The following ZNF385D variants were observed in gnomAD, a reference collection of about 807,000 sequenced individuals.
ZNF385D encodes the protein zinc finger protein 659.
ZNF385D carries 15 observed loss-of-function variants against 35.8 expected under a neutral mutation model. The observed-to-expected ratio is 0.42, with a 90% confidence interval of 0.28 to 0.64. The LOEUF (loss-of-function observed/expected upper bound fraction) is 0.64. Among genes scored for constraint, ZNF385D ranks in the 30% least tolerant of loss-of-function variants. The pLI, the probability that ZNF385D is intolerant of heterozygous loss-of-function variation, is 0.23. For missense variants in ZNF385D, 474 were observed against 494.6 expected, an observed-to-expected ratio of 0.96 and a Z score of 0.39; for synonymous variants, 212 against 186.8, an observed-to-expected ratio of 1.13 and a Z score of -1.10.
At chr3:22,035,030 G>C (rs771526763) in intron 3 of ZNF385D, among the ~76,000 whole-genome samples, 2 of 152,066 alleles carry the variant, frequency 1.3e-5, no homozygotes, top group Non-Finnish European at 2.9e-5. Context: ...TGTACATAAA[G>C]TCAACATTGT....
At chr3:22,035,294 G>A (rs1003637039) in intron 3 of ZNF385D, among the ~76,000 whole-genome samples, 2 of 152,150 alleles carry the variant, frequency 1.3e-5, no homozygotes, top group African/African-American at 4.8e-5. Flanking sequence ...TAAATTATGA[G>A]AAACAGGGCT....
intron 2 of ZNF385D, among the ~76,000 whole-genome samples, chr3:22,310,587 T>C (rs1380612963): frequency 2.0e-5 from 3 of 151,932 alleles, no homozygotes; most frequent in Non-Finnish European, 4.4e-5. Flanking sequence ...TTAACTCAAA[T>C]AAAATGACAT....
At chr3:22,333,099 C>G (rs1231773846) in intron 2 of ZNF385D, among the ~76,000 whole-genome samples, 1 of 152,066 alleles carries the variant, frequency 6.6e-6, no homozygotes, top group Non-Finnish European at 1.5e-5. Flanking sequence ...GCTTGGCAGT[C>G]CTTTTCTTTA....
intron 4 of ZNF385D, among the ~76,000 whole-genome samples, chr3:21,470,900 T>C (rs1703839639): frequency 6.6e-6 from 1 of 152,152 alleles, no homozygotes; most frequent in South Asian, 2.1e-4. Flanking sequence ...GGTTTGCTAC[T>C]GCATTTCAAC....
chr3:22,328,581 G>A (rs1400057334), intron 2 of ZNF385D, among the ~76,000 whole-genome samples: 2 of 151,682 alleles, frequency 1.3e-5, no homozygotes, highest in Non-Finnish European at 2.9e-5. Flanking sequence ...TGGCCAACAC[G>A]GTGAAACCTC....
chr3:22,108,317 A>C (rs1370045939), intron 3 of ZNF385D, among the ~76,000 whole-genome samples: 1 of 152,116 alleles, frequency 6.6e-6, no homozygotes, highest in African/African-American at 2.4e-5. Flanking sequence ...ATTTTCTTGG[A>C]AGATGTGTTT....
intron 2 of ZNF385D, among the ~76,000 whole-genome samples, chr3:22,302,777 T>TGGAA (rs1190753175): frequency 1.3e-5 from 2 of 152,124 alleles, no homozygotes; most frequent in Non-Finnish European, 2.9e-5. Context: ...TTAATGTTAC[T>TGGAA]TTGAAAGGCC....
At chr3:22,154,416 A>T (rs1279384445) in intron 3 of ZNF385D, among the ~76,000 whole-genome samples, 1 of 152,064 alleles carries the variant, frequency 6.6e-6, no homozygotes, top group Admixed American at 6.6e-5. Context: ...ACATTTCTCA[A>T]CTCAGCTACA....
chr3:21,917,780 T>C (rs1353593047), intron 3 of ZNF385D, among the ~76,000 whole-genome samples: 1 of 152,224 alleles, frequency 6.6e-6, no homozygotes, highest in Non-Finnish European at 1.5e-5. Context: ...CCTCAGTGGC[T>C]AAGTGGAGTC....
Position 21,628,983 on chromosome 3 carries a change from G to T in ZNF385D, c.165+35903C>A, listed in dbSNP as rs373936231. On this transcript the variant is annotated intron_variant, in intron 2 of 7. Transcript: ENST00000281523. ...CCTGGGAAATGACTATTAAGGGCAA[G>T]ACCAACAATTTTTTACAAAAGAAAA... Among the ~76,000 whole-genome samples, 6 of 151,938 alleles carry T rather than the reference G, an allele frequency of 3.9e-5. No homozygotes were observed. In the South Asian group the frequency reaches 1.0e-3, roughly 26 times the overall value.
chr3:21,749,143 A>G (rs17009454), intron 1 of ZNF385D, among the ~76,000 whole-genome samples: 4,947 of 152,330 alleles, frequency 0.032, 125 homozygotes, highest in Non-Finnish European at 0.049. Flanking sequence ...AGTTTCATCT[A>G]AAGTAAGTAG....
At chr3:21,591,191 A>G (rs958425166) in intron 2 of ZNF385D, among the ~76,000 whole-genome samples, 12 of 152,276 alleles carry the variant, frequency 7.9e-5, no homozygotes, top group African/African-American at 2.9e-4. Context: ...CCACATCTCA[A>G]AACAAAACAA....
intron 3 of ZNF385D, among the ~76,000 whole-genome samples, chr3:21,922,885 C>G (rs992072123): frequency 6.6e-6 from 1 of 152,164 alleles, no homozygotes; most frequent in Non-Finnish European, 1.5e-5. Context: ...AGCTACACAT[C>G]TGACCAAGGT....
At chr3:21,772,183 T>A (rs571808625) in intron 3 of ZNF385D, among the ~76,000 whole-genome samples, 1 of 151,930 alleles carries the variant, frequency 6.6e-6, no homozygotes, top group African/African-American at 2.4e-5. Context: ...ATTTCTTGGA[T>A]ATCACAGAAA....
chr3:21,958,643 A>T (rs1702413919), intron 3 of ZNF385D, among the ~76,000 whole-genome samples: 2 of 152,178 alleles, frequency 1.3e-5, no homozygotes, highest in African/African-American at 4.8e-5. Flanking sequence ...GGGTAGAACT[A>T]GATTCTATCG....
chr3:22,023,530 T>C (rs1471895861), intron 3 of ZNF385D, among the ~76,000 whole-genome samples: 1 of 152,184 alleles, frequency 6.6e-6, no homozygotes, highest in Non-Finnish European at 1.5e-5. Context: ...ATGGAGTCAT[T>C]GTTACAATGC....
intron 4 of ZNF385D, chr3:21,443,262 G>C: frequency 2.0e-6 from 2 of 985,308 alleles, no homozygotes; most frequent in Non-Finnish European, 2.4e-6. Context: ...TCACTACCAG[G>C]CTCAAGGATG....
chr3:21,908,459 A>G lies in ZNF385D; in HGVS notation c.326-243431T>C, dbSNP rs188800742. ...GCATGTCAACATTTGAGGATAAATAATAAAAATCCAAGTGTGTAAAGAGAT... is the reference window on the plus strand; with the variant it reads ...GCATGTCAACATTTGAGGATAAATAGTAAAAATCCAAGTGTGTAAAGAGAT... On this transcript the variant is annotated intron_variant, in intron 3 of 5. Coordinates refer to the ZNF385D transcript ENST00000494108. 2.6e-3 allele frequency among the ~76,000 whole-genome samples: 397 copies of G among 152,218 alleles called. 7 individuals carry two copies. Among genetic ancestry groups the G allele is most frequent in the Admixed American group, 0.024 (372 of 15,252 alleles).
intron 3 of ZNF385D, among the ~76,000 whole-genome samples, chr3:22,038,438 T>C (rs563466320): frequency 3.3e-5 from 5 of 152,194 alleles, no homozygotes; most frequent in South Asian, 4.2e-4. Context: ...TTTCACAGAG[T>C]TGGGGAAAGC....
Sources: gnomAD v4.1 joint callset for allele counts (sites outside exome capture counted in the v4.1 genomes callset) on GRCh38, gnomAD v4.1.1 for gene constraint, MANE v1.5 for transcripts, NCBI Gene and HGNC (gene_info 2026-07-23, HGNC 2026-07-21) for gene names.